The following HMCN1 variants were observed in gnomAD, a reference collection of about 807,000 sequenced individuals.
HMCN1 encodes the protein hemicentin 1.
A neutral mutation model predicts 625.9 loss-of-function variants in HMCN1; 321 were observed. That is an observed-to-expected ratio of 0.51 (90% CI 0.47 to 0.56). The LOEUF (loss-of-function observed/expected upper bound fraction) is 0.56. Ranked by LOEUF, HMCN1 falls within the 20% of genes least tolerant of loss-of-function variation. HMCN1 has a pLI of 0.00. For synonymous variants in HMCN1, 2,425 were observed against 2,417.6 expected (o/e 1.00, Z -0.09); for missense variants, 6,588 against 6,887.3 (o/e 0.96, Z 1.54).
At chr1:186,080,764 A>G (rs1441059301) in intron 55 of HMCN1, among the ~76,000 whole-genome samples, 1 of 152,198 alleles carries the variant, frequency 6.6e-6, no homozygotes, top group Non-Finnish European at 1.5e-5. Flanking sequence ...CTTTCCAAAT[A>G]AGGCCAAATC....
chr1:186,046,227 G>A (rs909897305), intron 41 of HMCN1, among the ~76,000 whole-genome samples: 1 of 152,140 alleles, frequency 6.6e-6, no homozygotes, highest in Non-Finnish European at 1.5e-5. Context: ...CCAAAATTTT[G>A]GGAGGCCAAG....
At chr1:185,888,426 G>T (rs1664817803) in intron 4 of HMCN1, among the ~76,000 whole-genome samples, 1 of 144,152 alleles carries the variant, frequency 6.9e-6, no homozygotes, top group Non-Finnish European at 1.5e-5. Context: ...TTCTTTTAGG[G>T]TTTTTATGGT....
chr1:185,883,178 GC>G (rs1350559999), intron 4 of HMCN1, among the ~76,000 whole-genome samples: 4 of 151,988 alleles, frequency 2.6e-5, no homozygotes, highest in African/African-American at 9.7e-5. Context: ...AAGAAAGCAT[GC>G]TTATGACATT....
intron 1 of HMCN1, among the ~76,000 whole-genome samples, chr1:185,779,774 G>A (rs541893543): frequency 1.9e-3 from 294 of 152,304 alleles, no homozygotes; most frequent in Admixed American, 4.3e-3. Context: ...TTGAAGTCAG[G>A]TAGTGTGATG....
intron 1 of HMCN1, among the ~76,000 whole-genome samples, chr1:185,819,130 G>A (rs542541271): frequency 2.4e-4 from 37 of 151,692 alleles, no homozygotes; most frequent in African/African-American, 8.9e-4. Flanking sequence ...CCAGCTACTC[G>A]GGAGGCTGAA....
intron 2 of HMCN1, among the ~76,000 whole-genome samples, chr1:185,863,609 TA>T (rs1663004802): frequency 6.6e-6 from 1 of 152,184 alleles, no homozygotes; most frequent in Non-Finnish European, 1.5e-5. Context: ...ATCTAAAATA[TA>T]ATGTATAAAA....
At chr1:186,133,820 G>A (rs1170328746) in intron 86 of HMCN1, among the ~76,000 whole-genome samples, 1 of 150,322 alleles carries the variant, frequency 6.7e-6, no homozygotes, top group Non-Finnish European at 1.5e-5. Context: ...GAGAAAAAAT[G>A]AATTAAACAG....
intron 1 of HMCN1, among the ~76,000 whole-genome samples, chr1:185,760,265 G>A (rs1655407180): frequency 6.6e-6 from 1 of 152,212 alleles, no homozygotes; most frequent in African/African-American, 2.4e-5. Flanking sequence ...CTAGGAGCCA[G>A]TCATCAAGTT....
intron 36 of HMCN1, among the ~76,000 whole-genome samples, chr1:186,037,008 T>A (rs1655872753): frequency 6.6e-6 from 1 of 151,848 alleles, no homozygotes; most frequent in African/African-American, 2.4e-5. Context: ...CCATCTTACT[T>A]ATTTCTACTA....
rs1558168011 is a variant in HMCN1, at chr1:186,041,113, G to A, written c.6281G>A (p.Arg2094Lys). The A allele has an allele frequency of 1.2e-6, 2 of 1,612,792 alleles. No homozygotes were observed. The highest frequency in any genetic ancestry group is 8.5e-7 in the Non-Finnish European group (1 of 1,179,130). The change falls in exon 40 of 107, where the codon AGG becomes AAG. Residue 2094 changes from arginine (R) to lysine (K), a missense_variant. Arg to Lys is a conservative substitution (Grantham distance 26). Coordinates refer to ENST00000271588, the MANE Select transcript of HMCN1 (RefSeq NM_031935.3). ...GTGAATGCTGCTGGAGAAAAGCAAA[G>A]GGACATTGACCTCCGAGTATATGGT... ...VAVNAAGEKQ[R>K]DIDLRVYVPP...
chr1:186,089,845 A>G (rs900442369), intron 63 of HMCN1, among the ~76,000 whole-genome samples: 1 of 151,908 alleles, frequency 6.6e-6, no homozygotes, highest in Non-Finnish European at 1.5e-5. Context: ...TGGTAAAATT[A>G]TTATTTTCTG....
chr1:186,088,266 C>G lies in HMCN1; in HGVS notation c.9567C>G (p.His3189Gln). ...CCACGATAGCATGGTTAAAGAACCA[C>G]AAGCGCATAGGTAAGGCAACCATGC... Reference protein sequence around the residue: ...PPPTIAWLKNHKRIENSDSLE... With the variant: ...PPPTIAWLKNQKRIENSDSLE... The change falls in exon 62 of 107, where the codon CAC (histidine) becomes CAG (glutamine). Residue 3189 changes from histidine to glutamine, a missense_variant. This residue lies in a region of HMCN1 where 4,628 missense variants were observed against 4,853.1 expected (regional missense o/e 0.95). Coordinates refer to ENST00000271588, the MANE Select transcript of HMCN1 (RefSeq NM_031935.3). 1 of 1,612,728 alleles carries G rather than the reference C, an allele frequency of 6.2e-7. No individual in the cohort carries two copies. Among genetic ancestry groups the G allele is most frequent in the Non-Finnish European group, 8.5e-7 (1 of 1,179,152 alleles).
chr1:186,016,613 TTATC>T (rs1466757569), intron 32 of HMCN1, among the ~76,000 whole-genome samples: 5 of 152,038 alleles, frequency 3.3e-5, no homozygotes, highest in Admixed American at 3.3e-4. Context: ...CTCAGTATCT[TTATC>T]TATAAATTGA....
At chr1:186,026,551 G>A (rs1157290860) in intron 36 of HMCN1, among the ~76,000 whole-genome samples, 1 of 152,078 alleles carries the variant, frequency 6.6e-6, no homozygotes, top group East Asian at 1.9e-4. Context: ...CAAAACCCAT[G>A]GGGAAGCAAT....
At chr1:185,948,904 G>A (rs920992953) in intron 11 of HMCN1, among the ~76,000 whole-genome samples, 4 of 151,838 alleles carry the variant, frequency 2.6e-5, no homozygotes, top group Admixed American at 2.6e-4. Context: ...AAGCTGAAGG[G>A]AGGTCTTGTG....
At chr1:185,799,483 A>G (rs1449926420) in intron 1 of HMCN1, among the ~76,000 whole-genome samples, 1 of 152,206 alleles carries the variant, frequency 6.6e-6, no homozygotes, top group African/African-American at 2.4e-5. Context: ...CCAATGGCAG[A>G]CACAAGGACC....
intron 2 of HMCN1, among the ~76,000 whole-genome samples, chr1:185,855,668 C>G (rs1457058159): frequency 6.6e-6 from 1 of 152,180 alleles, no homozygotes; most frequent in African/African-American, 2.4e-5. Flanking sequence ...GAAGACCCAC[C>G]TAAGCTCTAC....
chr1:185,841,894 A>G lies in HMCN1; in HGVS notation c.269-4132A>G, dbSNP rs536442024. Among the ~76,000 whole-genome samples, 65 of 152,366 alleles carry G rather than the reference A, an allele frequency of 4.3e-4. 2 individuals carry two copies. In the South Asian group the frequency reaches 0.013, roughly 32 times the overall value. On this transcript the variant is annotated intron_variant, in intron 1 of 106. Transcript: ENST00000271588. ...GAATTATAAAAGTTCTTGCAAATAT[A>G]GGTAGTGATATGTAATAACCTTTTT...
Position 186,103,486 on chromosome 1 carries a change from A to G in HMCN1, c.10588A>G (p.Asn3530Asp). ...ILKVLEPPHI[N>D]GSEEHEEISV... is the part of the protein sequence containing the mutation. Reference sequence around the variant, plus strand: ...CCTTTAAATAGAACCACCTCACATTAATGGATCTGAAGAACATGAAGAGAT... The same window carrying G: ...CCTTTAAATAGAACCACCTCACATTGATGGATCTGAAGAACATGAAGAGAT... The change falls in exon 69 of 107, where the codon AAT (asparagine) becomes GAT (aspartate). Residue 3530 changes from asparagine to aspartate, a missense_variant. By Grantham distance (23) the Asn-to-Asp change is conservative. Transcript: ENST00000271588. The G allele has an allele frequency of 6.2e-7, 1 of 1,612,736 alleles. No individual in the cohort carries two copies. Among genetic ancestry groups the G allele is most frequent in the Non-Finnish European group, 8.5e-7 (1 of 1,178,786 alleles).
Sources: gnomAD v4.1 joint callset for allele counts (sites outside exome capture counted in the v4.1 genomes callset) on GRCh38, gnomAD v4.1.1 for gene constraint, gnomAD v4.1.1 regional missense constraint, MANE v1.5 for transcripts, NCBI Gene and HGNC (gene_info 2026-07-23, HGNC 2026-07-21) for gene names.